The following IFI44L variants were observed in gnomAD, a reference collection of about 807,000 sequenced individuals.
The protein encoded by IFI44L is interferon-induced protein 44-like.
Under a neutral mutation model 39.3 loss-of-function variants are expected in IFI44L, and 40 were observed. The ratio of observed to expected loss-of-function variants is 1.02; its 90% CI spans 0.79 to 1.33. The LOEUF (loss-of-function observed/expected upper bound fraction) is 1.33, where lower values mean the gene tolerates loss of function less well. Ranked by LOEUF, IFI44L falls within the 40% of genes most tolerant of loss-of-function variation. The pLI, the probability that IFI44L is intolerant of heterozygous loss-of-function variation, is 0.00. For missense variants in IFI44L, 623 were observed against 549.0 expected (o/e 1.13, Z -1.35); for synonymous variants, 198 against 182.3 (o/e 1.09, Z -0.69).
rs952570579 is a variant in IFI44L at position 78,642,002 on chromosome 1, A to C, written c.*193A>C. ...GCTAAGATAGGTCCTACTGCAAACC[A>C]CCCCTCCATATTTCCGTACCATTTA... On this transcript the variant is annotated 3_prime_UTR_variant, in exon 9 of 9. Coordinates refer to ENST00000370751, the MANE Select transcript of IFI44L (RefSeq NM_006820.4). The C allele has an allele frequency of 1.6e-6, 1 of 630,390 alleles. No homozygotes were observed. The highest frequency in any genetic ancestry group is 2.9e-6 in the Non-Finnish European group (1 of 349,552). The allele number at this position is 630,390 out of a possible 1,614,324, so 39.0% of individuals were successfully genotyped here.
chr1:78,635,480 C>A lies in IFI44L; in HGVS notation c.867C>A (p.Asp289Glu), dbSNP rs767711428. The change falls in exon 5 of 9, where the codon GAC becomes GAA. Residue 289 changes from aspartate (D) to glutamate (E), a missense_variant. Asp to Glu is a conservative substitution (Grantham distance 45, BLOSUM62 2). Coordinates refer to ENST00000370751, the MANE Select transcript of IFI44L (RefSeq NM_006820.4). ...ACATCTTAAAAGGTTGTATGCCAGA[C>A]AGATATCAGGTAAGATTTCTTCAAT... ...IPHILKGCMP[D>E]RYQFNSRKPI... is the part of the protein sequence containing the mutation. 5 of 1,611,596 alleles carry A rather than the reference C, an allele frequency of 3.1e-6. No individual in the cohort carries two copies. The African/African-American group carries it at 5.3e-5, about 17-fold the overall frequency.
At chr1:78,623,041 A>G (rs540213156) in intron 1 of IFI44L, among the ~76,000 whole-genome samples, 2 of 152,384 alleles carry the variant, frequency 1.3e-5, no homozygotes, top group South Asian at 4.1e-4. Context: ...CTATGCAGCA[A>G]TAGATAAATA....
At position 78,637,013 on chromosome 1, in the gene IFI44L, C is replaced by G. The variant is rs1652972806; in HGVS notation, c.877-19C>G. The G allele has an allele frequency of 6.3e-7, 1 of 1,583,558 alleles. No individual in the cohort carries two copies. On this transcript the variant is annotated intron_variant, in intron 5 of 8. Transcript: ENST00000370751. Reference sequence around the variant, plus strand: ...GAGGCTCTCTGATTTCTGAATGTTACCTTATGTTTTTATAACAGTTTAATT... The same window carrying G: ...GAGGCTCTCTGATTTCTGAATGTTAGCTTATGTTTTTATAACAGTTTAATT...
intron 1 of IFI44L, 179 bp from the exon 2 acceptor site, chr1:78,627,726 AT>A: frequency 2.7e-6 from 1 of 372,956 alleles, no homozygotes; most frequent in Non-Finnish European, 4.7e-6. Flanking sequence ...TAAATTATAT[AT>A]TTTTATATCT....
rs369473502 is a variant in IFI44L, at chr1:78,627,990, T to A, written c.75T>A (p.Ser25Arg). Reference protein sequence around the residue: ...LRKLLGNVSLSLLYKSSVHGG... With the variant: ...LRKLLGNVSLRLLYKSSVHGG... ...AGCTGCTTGGAAATGTTTCTTTGAG[T>A]CTTCTCTATAAGTCTAGTGTTCATG... Residue 25 changes from serine (S) to arginine (R), a missense_variant, in exon 2 of 9, where the codon AGT (serine) becomes AGA (arginine). Coordinates refer to ENST00000370751, the MANE Select transcript of IFI44L (RefSeq NM_006820.4). 6.2e-7 allele frequency: 1 copy of A among 1,611,800 alleles called. No homozygotes were observed. The highest frequency in any genetic ancestry group is 1.7e-5 in the Admixed American group (1 of 59,642).
chr1:78,634,025 GAGAAT>G (rs1229707882), intron 4 of IFI44L, among the ~76,000 whole-genome samples: 5 of 151,848 alleles, frequency 3.3e-5, no homozygotes, highest in Non-Finnish European at 5.9e-5. Context: ...AATATAGATA[GAGAAT>G]AAAAAAACAG....
intron 6 of IFI44L, among the ~76,000 whole-genome samples, chr1:78,639,290 C>T (rs970065233): frequency 1.3e-5 from 2 of 151,954 alleles, no homozygotes; most frequent in Non-Finnish European, 2.9e-5. Context: ...TTTTTCTTCT[C>T]TTATACTACC....
At chr1:78,628,578 A>T in intron 2 of IFI44L, 185 bp downstream of exon 2, 1 of 568,176 alleles carries the variant, frequency 1.8e-6, no homozygotes, top group Non-Finnish European at 3.1e-6. Context: ...TCCAGAACGT[A>T]TAGGCTGCTT....
Position 78,635,343 on chromosome 1 carries a change from A to T in IFI44L, c.730A>T (p.Ile244Leu). The stretch of plus-strand genomic sequence containing the variant: ...TAATGTATTTTTTTAACAGTATAGG[A>T]TATATTCTGTTAAAGATGGAAAAAA... ...DITSITERYR[I>L]YSVKDGKNGK... Residue 244 changes from isoleucine (I) to leucine (L), a missense_variant, in exon 5 of 9, where the codon ATA becomes TTA. Ile to Leu is a conservative substitution (Grantham distance 5). Transcript: ENST00000370751. 1 of 1,592,858 alleles carries T rather than the reference A, an allele frequency of 6.3e-7. No homozygotes were observed. The highest frequency in any genetic ancestry group is 8.6e-7 in the Non-Finnish European group (1 of 1,161,012).
Position 78,643,288 on chromosome 1 carries a change from T to A in IFI44L, c.*1479T>A, listed in dbSNP as rs1228449936. 6.6e-6 allele frequency: 1 copy of A among 151,914 alleles called. No individual in the cohort carries two copies. Among genetic ancestry groups the A allele is most frequent in the Non-Finnish European group, 1.5e-5 (1 of 67,972 alleles). 9.4% of individuals were successfully genotyped at this position (151,914 alleles called of 1,614,324 possible). On this transcript the variant is annotated 3_prime_UTR_variant, in exon 9 of 9. Coordinates refer to ENST00000370751, the MANE Select transcript of IFI44L (RefSeq NM_006820.4). ...AAAAGACCTAGGAATAGGAGAACCATGGAAATTGAGGAGGTAGGCCTACAA... is the reference window on the plus strand; with the variant it reads ...AAAAGACCTAGGAATAGGAGAACCAAGGAAATTGAGGAGGTAGGCCTACAA...
Position 78,627,889 on chromosome 1 carries a change from A to G in IFI44L, c.-10-17A>G. ...ATATTATATAAGCTTCTCAACCTAT[A>G]ATTGTTTTTCCATTAGATATAGAAC... On this transcript the variant is annotated splice_polypyrimidine_tract_variant and intron_variant, in intron 1 of 8. Coordinates refer to ENST00000370751, the MANE Select transcript of IFI44L (RefSeq NM_006820.4). 4 of 1,412,460 alleles carry G rather than the reference A, an allele frequency of 2.8e-6. No homozygotes were observed. The highest frequency in any genetic ancestry group is 3.8e-6 in the Non-Finnish European group (4 of 1,053,820). 87.5% of individuals were successfully genotyped at this position (1,412,460 alleles called of 1,614,324 possible).
intron 5 of IFI44L, chr1:78,635,804 T>C (rs902690896): frequency 3.5e-6 from 1 of 282,486 alleles, no homozygotes; most frequent in Non-Finnish European, 6.6e-6. Flanking sequence ...CCTTGCACTT[T>C]TTGGGTTACA....
Position 78,641,574 on chromosome 1 carries a change from A to G in IFI44L, c.1289A>G (p.Asp430Gly), listed in dbSNP as rs1157094434. ...CTGAGGCAGATGCTGCGGGCTGCAGATGATTTTTTAGAAGATTTGCCTCTT... is the reference window on the plus strand; with the variant it reads ...CTGAGGCAGATGCTGCGGGCTGCAGGTGATTTTTTAGAAGATTTGCCTCTT... Reference protein sequence around the residue: ...SALRQMLRAADDFLEDLPLEE... With the variant: ...SALRQMLRAAGDFLEDLPLEE... The change falls in exon 8 of 9, where the codon GAT becomes GGT. Residue 430 changes from aspartate to glycine, a missense_variant. Asp to Gly is a moderately conservative substitution (Grantham distance 94). Transcript: ENST00000370751. 3.1e-6 allele frequency: 5 copies of G among 1,613,550 alleles called. No individual in the cohort carries two copies. Among genetic ancestry groups the G allele is most frequent in the Admixed American group, 3.3e-5 (2 of 59,966 alleles).
intron 4 of IFI44L, among the ~76,000 whole-genome samples, chr1:78,632,128 C>CT (rs1652771735): frequency 6.6e-6 from 1 of 152,092 alleles, no homozygotes; most frequent in South Asian, 2.1e-4. Flanking sequence ...GTTAACTGAA[C>CT]TTTTTTTAAA....
Position 78,643,708 on chromosome 1 carries a change from C to G in IFI44L, c.*1899C>G, listed in dbSNP as rs1570372482. 6.9e-6 allele frequency: 1 copy of G among 144,376 alleles called. No homozygotes were observed. Among genetic ancestry groups the G allele is most frequent in the African/African-American group, 2.6e-5 (1 of 38,638 alleles). 8.9% of individuals were successfully genotyped at this position (144,376 alleles called of 1,614,324 possible). A position where few individuals can be genotyped will look rare whatever the true frequency, so the allele number is the denominator to read the frequency against. On this transcript the variant is annotated 3_prime_UTR_variant, in exon 9 of 9. Coordinates refer to ENST00000370751, the MANE Select transcript of IFI44L (RefSeq NM_006820.4). ...CAATTCCTTGGAGGGGGTCTTCAGA[C>G]TGACTGGTGTCAGCAGACCCATGGG...
chr1:78,641,740 T>A (rs1023008966), intron 8 of IFI44L, 35 bp from the exon 9 acceptor site: 25 of 1,612,602 alleles, frequency 1.6e-5, no homozygotes, highest in Non-Finnish European at 2.1e-5. Context: ...TTAGGATATA[T>A]GTTTCATTTC....
At chr1:78,636,458 C>T (rs1652954313) in intron 5 of IFI44L, among the ~76,000 whole-genome samples, 1 of 152,036 alleles carries the variant, frequency 6.6e-6, no homozygotes. Context: ...TACATGTTTC[C>T]AAACCATTGT....
chr1:78,638,552 T>C (rs1653036520), intron 6 of IFI44L, among the ~76,000 whole-genome samples: 1 of 152,124 alleles, frequency 6.6e-6, no homozygotes, highest in South Asian at 2.1e-4. Context: ...TATTGTTATA[T>C]CTTTGAATTC....
rs199785880 is a variant in IFI44L at position 78,643,652 on chromosome 1, G to GTTTT, written c.*1855_*1858dup. 19 of 95,908 alleles carry GTTTT rather than the reference G, an allele frequency of 2.0e-4. No homozygotes were observed. The highest frequency in any genetic ancestry group is 2.8e-4 in the Non-Finnish European group (11 of 39,240). 5.9% of individuals were successfully genotyped at this position (95,908 alleles called of 1,614,324 possible). Reference sequence around the variant, plus strand: ...TTTGTTTTGTTTTTTTTTTGTTGTTGTTTTTTTTTTTTTTTGTTTTTTTGC... The same window carrying GTTTT: ...TTTGTTTTGTTTTTTTTTTGTTGTTGTTTTTTTTTTTTTTTTTTTGTTTTTTTGC... On this transcript the variant is annotated 3_prime_UTR_variant, in exon 9 of 9. Transcript: ENST00000370751.
Sources: gnomAD v4.1 joint callset for allele counts (sites outside exome capture counted in the v4.1 genomes callset) on GRCh38, gnomAD v4.1.1 for gene constraint, MANE v1.5 for transcripts, NCBI Gene and HGNC (gene_info 2026-07-23, HGNC 2026-07-21) for gene names.